GNB1L: variants seen among roughly 807,000 people sequenced by gnomAD.
The protein encoded by GNB1L is guanine nucleotide-binding protein subunit beta-like protein 1.
Under a neutral mutation model 29.1 loss-of-function variants are expected in GNB1L, and 20 were observed. The observed-to-expected ratio is 0.69, with a 90% confidence interval of 0.48 to 1.00. GNB1L has a LOEUF of 1.00. Ranked by LOEUF, GNB1L falls within the 50% of genes least tolerant of loss-of-function variation. The probability of loss-of-function intolerance (pLI) is 0.00; values close to 1 mark genes in which losing one functional copy is unlikely to be tolerated. For synonymous variants in GNB1L, 193 were observed against 206.5 expected (o/e 0.93, Z 0.56); for missense variants, 421 against 464.9 (o/e 0.91, Z 0.87).
At chr22:19,837,310 G>A (rs1294793555) in intron 2 of GNB1L, among the ~76,000 whole-genome samples, 1 of 152,074 alleles carries the variant, frequency 6.6e-6, no homozygotes, top group African/African-American at 2.4e-5. Context: ...CTATACAGAT[G>A]GGGAAAAATA....
At chr22:19,820,158 G>GC (rs1937566714) in intron 4 of GNB1L, among the ~76,000 whole-genome samples, 1 of 152,144 alleles carries the variant, frequency 6.6e-6, no homozygotes, top group Admixed American at 6.5e-5. Flanking sequence ...GGGCAGGGAG[G>GC]CCCTCCTTGG....
rs749304429 is a variant in GNB1L at position 19,820,584 on chromosome 22, C to T, written c.254+14G>A. The T allele has an allele frequency of 5.6e-6, 9 of 1,609,100 alleles. No individual in the cohort carries two copies. The East Asian group carries it at 8.9e-5, about 16-fold the overall frequency. The stretch of plus-strand genomic sequence containing the variant: ...CCGAAGGCCATACCTGGCTCCTGCA[C>T]CTTGGAGACCCACCTGAGGAGCTGG... On this transcript the variant is annotated intron_variant, in intron 4 of 7. Coordinates refer to ENST00000329517, the MANE Select transcript of GNB1L (RefSeq NM_053004.3).
At position 19,805,539 on chromosome 22, in the gene GNB1L, T is replaced by C. The variant is rs147594168; in HGVS notation, c.516+1120A>G. Among the ~76,000 whole-genome samples, 772 of 151,174 alleles carry C rather than the reference T, an allele frequency of 5.1e-3. 5 individuals are homozygous for C. The highest frequency in any genetic ancestry group is 8.7e-3 in the Admixed American group (132 of 15,230). On this transcript the variant is annotated intron_variant, in intron 6 of 7. Coordinates refer to ENST00000329517, the MANE Select transcript of GNB1L (RefSeq NM_053004.3). ...GGCTCACGCCTGTAATCCCAGCACT[T>C]TGGGAGGCCGAAGCGGGCGGATCAC...
intron 2 of GNB1L, among the ~76,000 whole-genome samples, chr22:19,838,368 G>A (rs563617421): frequency 1.3e-5 from 2 of 152,272 alleles, no homozygotes; most frequent in East Asian, 1.9e-4. Context: ...ACCAAGTGCT[G>A]GCAATACTGT....
intron 2 of GNB1L, among the ~76,000 whole-genome samples, chr22:19,840,014 T>C (rs2145895893): frequency 6.6e-6 from 1 of 151,650 alleles, no homozygotes; most frequent in East Asian, 1.9e-4. Context: ...CAGTGAGCTA[T>C]GCTCACACCA....
intron 3 of GNB1L, 23 bp downstream of exon 3, chr22:19,821,205 G>C: frequency 1.3e-6 from 2 of 1,599,394 alleles, no homozygotes; most frequent in Non-Finnish European, 1.7e-6. Context: ...GGGTGGCCTG[G>C]GGCTGGGGCC....
chr22:19,849,394 G>A, intron 2 of GNB1L: 1 of 694,284 alleles, frequency 1.4e-6, no homozygotes, highest in Non-Finnish European at 1.8e-6. Flanking sequence ...TTGGGATGGA[G>A]TTTCACTCTT....
Position 19,854,852 on chromosome 22 carries a change from G to C in GNB1L, c.-150C>G, listed in dbSNP as rs1008352115. 1.3e-5 allele frequency: 2 copies of C among 152,270 alleles called. No individual in the cohort carries two copies. The highest frequency in any genetic ancestry group is 1.3e-4 in the Admixed American group (2 of 15,284). The allele number at this position is 152,270 out of a possible 1,614,324, so 9.4% of individuals were successfully genotyped here. A position where few individuals can be genotyped will look rare whatever the true frequency, so the allele number is the denominator to read the frequency against. On this transcript the variant is annotated 5_prime_UTR_variant, in exon 1 of 8. Transcript: ENST00000329517. The stretch of plus-strand genomic sequence containing the variant: ...CCGGAGTCGGGAACGCCTGCTCCTA[G>C]GAGCGCCGCGCAGCGTCCAGAGACC...
At chr22:19,849,342 T>C in intron 2 of GNB1L, 5 of 963,274 alleles carry the variant, frequency 5.2e-6, no homozygotes, top group Non-Finnish European at 6.2e-6. Flanking sequence ...ACAATTTATA[T>C]TTTTCTAAAT....
At chr22:19,821,460 A>G (rs1411837745) in intron 2 of GNB1L, 85 bp from the exon 3 acceptor site, 2 of 1,310,952 alleles carry the variant, frequency 1.5e-6, no homozygotes, top group Non-Finnish European at 2.1e-6. Context: ...GGTGCTTGAG[A>G]TGTTGCCCCT....
chr22:19,848,863 G>T, intron 2 of GNB1L: 1 of 985,430 alleles, frequency 1.0e-6, no homozygotes, highest in Non-Finnish European at 1.2e-6. Context: ...AGATGGGGAA[G>T]GTGGCCTGTC....
At chr22:19,790,568 T>C (rs989426127) in intron 7 of GNB1L, among the ~76,000 whole-genome samples, 4 of 152,118 alleles carry the variant, frequency 2.6e-5, no homozygotes, top group African/African-American at 4.8e-5. Context: ...TCCCAGCTGC[T>C]TGGGAGGCAA....
At chr22:19,793,956 TTA>T (rs992123505) in intron 7 of GNB1L, among the ~76,000 whole-genome samples, 5 of 152,176 alleles carry the variant, frequency 3.3e-5, no homozygotes, top group Non-Finnish European at 7.3e-5. Flanking sequence ...ATGTAACATG[TTA>T]TGTTTTTTAT....
At chr22:19,802,406 T>C (rs1451324798) in intron 6 of GNB1L, among the ~76,000 whole-genome samples, 190 bp from the exon 7 acceptor site, 1 of 152,188 alleles carries the variant, frequency 6.6e-6, no homozygotes, top group Non-Finnish European at 1.5e-5. Flanking sequence ...GGATGGCTGA[T>C]GCTGTCAGCA....
chr22:19,824,803 G>T (rs1324102288), intron 2 of GNB1L, among the ~76,000 whole-genome samples: 3 of 152,216 alleles, frequency 2.0e-5, no homozygotes, highest in Non-Finnish European at 4.4e-5. Flanking sequence ...ACACCTGCAG[G>T]GCCTTCCTCC....
chr22:19,798,249 C>T (rs553777585), intron 7 of GNB1L, among the ~76,000 whole-genome samples: 7 of 152,194 alleles, frequency 4.6e-5, no homozygotes, highest in African/African-American at 9.6e-5. Context: ...TGGGGTTCGC[C>T]GCCTGTGCTT....
chr22:19,812,597 A>G (rs1937510566), intron 4 of GNB1L, 150 bp from the exon 5 acceptor site: 1 of 726,540 alleles, frequency 1.4e-6, no homozygotes, highest in Admixed American at 2.9e-5. Flanking sequence ...CAGCTGAGGA[A>G]GGGCCTCACC....
chr22:19,832,982 T>C (rs1236478163), intron 2 of GNB1L, among the ~76,000 whole-genome samples: 1 of 152,074 alleles, frequency 6.6e-6, no homozygotes, highest in Non-Finnish European at 1.5e-5. Context: ...AAAAATGAGA[T>C]TAAAACCACA....
intron 3 of GNB1L, 106 bp downstream of exon 3, chr22:19,821,122 C>G: frequency 8.5e-7 from 1 of 1,175,728 alleles, no homozygotes. Flanking sequence ...GGCGAGCAGT[C>G]CATGCCCCTT....
Sources: allele counts gnomAD v4.1 joint callset (sites outside exome capture counted in the v4.1 genomes callset), GRCh38; gene constraint gnomAD v4.1.1; transcripts MANE v1.5; gene names NCBI Gene and HGNC (gene_info 2026-07-23, HGNC 2026-07-21).